QTRT1: variants seen among roughly 807,000 people sequenced by gnomAD.
QTRT1 encodes TGT, 43-KD subunit.
In QTRT1, 41 loss-of-function variants were observed where a neutral mutation model predicts 44.0. The observed-to-expected ratio is 0.93, with a 90% CI of 0.73 to 1.21. The LOEUF (loss-of-function observed/expected upper bound fraction) is 1.21. Ranked by LOEUF, QTRT1 falls within the 50% of genes most tolerant of loss-of-function variation. The pLI is 0.00. For missense variants in QTRT1, 542 were observed against 575.8 expected (o/e 0.94, Z 0.60); for synonymous variants, 226 against 237.1 (o/e 0.95, Z 0.43).
Position 10,707,191 on chromosome 19 carries a change from C to T in QTRT1, c.452-111C>T, listed in dbSNP as rs528671280. On this transcript the variant is annotated intron_variant, in intron 3 of 9. Transcript: ENST00000250237. ...GAAAGTCACGTGGGAGTTAGCAAGA[C>T]GGGGGATGGGGGGATGCTCTTGGGG... 88 of 1,064,316 alleles carry T rather than the reference C, an allele frequency of 8.3e-5. 1 individual carries two copies. The South Asian group carries it at 8.9e-4, about 11-fold the overall frequency. The allele number at this position is 1,064,316 out of a possible 1,614,324, so 65.9% of individuals were successfully genotyped here.
At chr19:10,704,036 A>G (rs1454799836) in intron 3 of QTRT1, among the ~76,000 whole-genome samples, 9 of 140,140 alleles carry the variant, frequency 6.4e-5, no homozygotes, top group Admixed American at 5.0e-4. Flanking sequence ...TAGTAGAGAC[A>G]GGGTTTCGCC....
At chr19:10,710,462 A>G (rs886740925) in intron 5 of QTRT1, among the ~76,000 whole-genome samples, 4 of 151,936 alleles carry the variant, frequency 2.6e-5, no homozygotes, top group South Asian at 2.1e-4. Context: ...GATTACAGGC[A>G]CCAGCCACCA....
At chr19:10,710,816 G>C (rs1385071295) in intron 5 of QTRT1, among the ~76,000 whole-genome samples, 1 of 151,560 alleles carries the variant, frequency 6.6e-6, no homozygotes, top group Non-Finnish European at 1.5e-5. Context: ...CCAGCTACTC[G>C]GGGGGCTGAG....
At chr19:10,711,287 T>G (rs2068737887) in intron 5 of QTRT1, 1 of 152,286 alleles carries the variant, frequency 6.6e-6, no homozygotes, top group African/African-American at 2.4e-5. Context: ...TTCTTCTGCC[T>G]CAGCCTCCTG....
rs745571805 is a variant in QTRT1 at position 10,707,541 on chromosome 19, G to A, written c.572G>A (p.Arg191Gln). Residue 191 changes from arginine (R) to glutamine (Q), a missense_variant, in exon 5 of 10, where the codon CGG becomes CAG. By Grantham distance (43) the Arg-to-Gln change is conservative. Transcript: ENST00000250237. The stretch of plus-strand genomic sequence containing the variant: ...GACCGGTGCATTGCAGCCCATCAGC[G>A]GCCGGACAAGCAGAACCTCTTCGCC... The part of the protein sequence containing the change: ...WLDRCIAAHQ[R>Q]PDKQNLFAII... 11 of 1,613,122 alleles carry A rather than the reference G, an allele frequency of 6.8e-6. No homozygotes were observed. The highest frequency in any genetic ancestry group is 2.2e-5 in the East Asian group (1 of 44,858).
At chr19:10,702,350 G>A in intron 3 of QTRT1, 96 bp downstream of exon 3, 1 of 1,393,892 alleles carries the variant, frequency 7.2e-7, no homozygotes, top group Non-Finnish European at 9.7e-7. Flanking sequence ...GCTTTGAGCA[G>A]GTCACTCCTC....
At chr19:10,702,323 T>C in intron 3 of QTRT1, 69 bp downstream of exon 3, 1 of 1,549,022 alleles carries the variant, frequency 6.5e-7, no homozygotes, top group Non-Finnish European at 8.8e-7. Context: ...CGGGGCCTGT[T>C]TTTTAGCTGT....
chr19:10,704,600 T>G (rs1281981341), intron 3 of QTRT1, among the ~76,000 whole-genome samples: 1 of 151,086 alleles, frequency 6.6e-6, no homozygotes, highest in Non-Finnish European at 1.5e-5. Context: ...GGCCTCTTTT[T>G]TTTTGAAACC....
At chr19:10,708,286 G>A (rs980315493) in intron 5 of QTRT1, among the ~76,000 whole-genome samples, 3 of 151,994 alleles carry the variant, frequency 2.0e-5, no homozygotes, top group Admixed American at 6.6e-5. Flanking sequence ...TTGAGACACG[G>A]TCTTACTCTG....
At position 10,713,013 on chromosome 19, in the gene QTRT1, C is replaced by A. The variant is rs1412944764; in HGVS notation, c.1032C>A (p.His344Gln). The change falls in exon 9 of 10, where the codon CAC becomes CAA. Residue 344 changes from histidine to glutamine, a missense_variant. Transcript: ENST00000250237. This position sits in a 1 kb window ranked among gnomAD's most constrained non-coding sequence, Gnocchi z 4.3. Reference protein sequence around the residue: ...LHSDNTAALHHLTVHNIAYQL... With the variant: ...LHSDNTAALHQLTVHNIAYQL... ...GTGACAACACGGCCGCGCTGCACCA[C>A]CTCACGGTCCACAACATCGCCTACC... 6.2e-7 allele frequency: 1 copy of A among 1,611,538 alleles called. No homozygotes were observed. Among genetic ancestry groups the A allele is most frequent in the Non-Finnish European group, 8.5e-7 (1 of 1,179,924 alleles).
At position 10,712,069 on chromosome 19, in the gene QTRT1, G is replaced by A. The variant is rs2068740936; in HGVS notation, c.647-92G>A. 1.3e-6 allele frequency: 2 copies of A among 1,522,406 alleles called. No individual in the cohort carries two copies. The highest frequency in any genetic ancestry group is 1.4e-5 in the African/African-American group (1 of 73,242). The allele number at this position is 1,522,406 out of a possible 1,614,324, so 94.3% of individuals were successfully genotyped here. On this transcript the variant is annotated intron_variant, in intron 5 of 9. Coordinates refer to ENST00000250237, the MANE Select transcript of QTRT1 (RefSeq NM_031209.3). The surrounding 1 kb of genome is among the most constrained non-coding windows in gnomAD (Gnocchi z 5.6). ...TCTGTTTCTCTGACTCTCTCCCTGAGCGACTCTGGAAGTCTGGGCAGGGTG... is the reference window on the plus strand; with the variant it reads ...TCTGTTTCTCTGACTCTCTCCCTGAACGACTCTGGAAGTCTGGGCAGGGTG...
At chr19:10,708,734 C>G (rs561394002) in intron 5 of QTRT1, among the ~76,000 whole-genome samples, 1 of 151,842 alleles carries the variant, frequency 6.6e-6, no homozygotes, top group African/African-American at 2.4e-5. Flanking sequence ...AAACCTGGCC[C>G]CAGACAACGC....
In QTRT1 at chr19:10,713,093, C is replaced by G; in HGVS notation, c.1060-25C>G. The G allele has an allele frequency of 1.2e-6, 2 of 1,608,622 alleles. No individual in the cohort carries two copies. The highest frequency in any genetic ancestry group is 1.7e-6 in the Non-Finnish European group (2 of 1,179,616). ...CGGGGGTGTCCTAGGTGCGTATGCC[C>G]CACGCTGACCTCCCCTCCCCGCAGC... On this transcript the variant is annotated intron_variant, in intron 9 of 9. Coordinates refer to ENST00000250237, the MANE Select transcript of QTRT1 (RefSeq NM_031209.3). The surrounding 1 kb of genome is among the most constrained non-coding windows in gnomAD (Gnocchi z 4.3).
In QTRT1 at chr19:10,701,939, C is replaced by T; in HGVS notation, c.244-11C>T. The T allele has an allele frequency of 6.2e-7, 1 of 1,614,086 alleles. No individual in the cohort carries two copies. Among genetic ancestry groups the T allele is most frequent in the East Asian group, 2.2e-5 (1 of 44,880 alleles). ...TCACCCCTAACCTGACACTTTCTTC[C>T]ATCAACCCAGGGACCCGAGCTGATC... On this transcript the variant is annotated splice_polypyrimidine_tract_variant and intron_variant, in intron 1 of 9. Coordinates refer to ENST00000250237, the MANE Select transcript of QTRT1 (RefSeq NM_031209.3).
Position 10,701,440 on chromosome 19 carries a change from CA to C in QTRT1, c.-20del. ...GCGCCGCCCACTGTGTGGTACGGCC[CA>C]CGTGGTTCCGACAGTCAAGATGGCG... On this transcript the variant is annotated 5_prime_UTR_variant, in exon 1 of 10. Coordinates refer to ENST00000250237, the MANE Select transcript of QTRT1 (RefSeq NM_031209.3). 6.5e-7 allele frequency: 1 copy of C among 1,531,966 alleles called. No homozygotes were observed. Among genetic ancestry groups the C allele is most frequent in the Non-Finnish European group, 8.8e-7 (1 of 1,139,208 alleles). The allele number at this position is 1,531,966 out of a possible 1,614,324, so 94.9% of individuals were successfully genotyped here. A position where few individuals can be genotyped will look rare whatever the true frequency, so the allele number is the denominator to read the frequency against.
intron 3 of QTRT1, among the ~76,000 whole-genome samples, chr19:10,704,633 G>A (rs2068704495): frequency 6.6e-6 from 1 of 151,238 alleles, no homozygotes; most frequent in Non-Finnish European, 1.5e-5. Context: ...TGTTGCCCAG[G>A]CTGGAGTGCA....
intron 2 of QTRT1, 23 bp downstream of exon 2, chr19:10,702,041 G>A (rs753491172): frequency 8.7e-6 from 14 of 1,614,136 alleles, no homozygotes; most frequent in South Asian, 3.3e-5. Context: ...GAGAGCCGAC[G>A]TTCTAGGGCC....
chr19:10,703,071 T>C (rs1271477123), intron 3 of QTRT1, among the ~76,000 whole-genome samples: 2 of 130,176 alleles, frequency 1.5e-5, no homozygotes, highest in Non-Finnish European at 3.2e-5. Flanking sequence ...ACCTGGCTTT[T>C]TTTTTTTTTT....
At position 10,712,856 on chromosome 19, in the gene QTRT1, C is replaced by T; in HGVS notation, c.960C>T (p.Pro320=). 1 of 1,613,876 alleles carries T rather than the reference C, an allele frequency of 6.2e-7. No homozygotes were observed. Among genetic ancestry groups the T allele is most frequent in the Non-Finnish European group, 8.5e-7 (1 of 1,179,918 alleles). The change falls in exon 8 of 10, where the codon CCC becomes CCT. Residue 320 remains proline (P), a synonymous_variant. Transcript: ENST00000250237. The surrounding 1 kb of genome is among the most constrained non-coding windows in gnomAD (Gnocchi z 5.6). The part of the protein sequence containing the change: ...FGPIDPECTC[P]TCQKHSRAFL... ...CCATAGACCCGGAGTGCACCTGCCC[C>T]ACGTGCCAAAAGTAGGCAGGATGGC...
Sources: gnomAD v4.1 joint callset for allele counts (sites outside exome capture counted in the v4.1 genomes callset) on GRCh38, gnomAD v4.1.1 for gene constraint, Gnocchi (gnomAD v3.1) non-coding constraint, MANE v1.5 for transcripts, NCBI Gene and HGNC (gene_info 2026-07-23, HGNC 2026-07-21) for gene names.